The following GRM1 variants were observed in gnomAD, a reference collection of about 807,000 sequenced individuals.
The protein encoded by GRM1 is glutamate metabotropic receptor 1.
Under a neutral mutation model 90.9 loss-of-function variants are expected in GRM1, and 33 were observed. The ratio of observed to expected loss-of-function variants is 0.36; its 90% CI spans 0.28 to 0.49. GRM1 has a LOEUF of 0.49. Ranked by LOEUF, GRM1 falls within the 20% of genes least tolerant of loss-of-function variation. GRM1 has a pLI of 0.99. For missense variants in GRM1, 1,190 were observed against 1,534.3 expected (o/e 0.78, Z 3.75); for synonymous variants, 700 against 613.2 (o/e 1.14, Z -2.09).
chr6:146,069,686 A>G lies in GRM1; in HGVS notation c.700+39469A>G, dbSNP rs535880254. On this transcript the variant is annotated intron_variant, in intron 1 of 7. Coordinates refer to ENST00000282753, the MANE Select transcript of GRM1 (RefSeq NM_001278064.2). Reference sequence around the variant, plus strand: ...TTAAAATATGCCACAACATTTTCATATGATGAAAGATTCCTAACATTAGCT... The same window carrying G: ...TTAAAATATGCCACAACATTTTCATGTGATGAAAGATTCCTAACATTAGCT... Among the ~76,000 whole-genome samples, 17 of 152,288 alleles carry G rather than the reference A, an allele frequency of 1.1e-4. No individual in the cohort carries two copies. The East Asian group carries it at 2.1e-3, about 19-fold the overall frequency.
Position 146,434,670 on chromosome 6 carries a change from C to T in GRM1, c.3459C>T (p.Asp1153=). 6.2e-7 allele frequency: 1 copy of T among 1,607,160 alleles called. No homozygotes were observed. Among genetic ancestry groups the T allele is most frequent in the Non-Finnish European group, 8.5e-7 (1 of 1,180,002 alleles). The change falls in exon 8 of 8, where the codon GAC becomes GAT. Residue 1153 remains aspartate, a synonymous_variant. Coordinates refer to ENST00000282753, the MANE Select transcript of GRM1 (RefSeq NM_001278064.2). ...TGACGCCTCCGTCGCCTTTCCGCGA[C>T]TCGGTGGCCTCGGGCAGCTCGGTGC... is the stretch of plus-strand genomic sequence containing the variant. ...PALTPPSPFR[D]SVASGSSVPS...
chr6:146,185,789 C>A (rs1778710971), intron 2 of GRM1, among the ~76,000 whole-genome samples: 1 of 152,166 alleles, frequency 6.6e-6, no homozygotes, highest in Admixed American at 6.5e-5. Flanking sequence ...CTGTAATTTT[C>A]TTATCCACAT....
intron 5 of GRM1, among the ~76,000 whole-genome samples, chr6:146,366,685 C>T (rs1042927914): frequency 6.6e-6 from 1 of 152,116 alleles, no homozygotes; most frequent in African/African-American, 2.4e-5. Context: ...TACCTATTGG[C>T]CATTTGTATA....
chr6:146,414,860 T>A (rs1777715532), intron 7 of GRM1, among the ~76,000 whole-genome samples: 1 of 152,264 alleles, frequency 6.6e-6, no homozygotes, highest in East Asian at 1.9e-4. Flanking sequence ...TAAATTTTCC[T>A]TTTACAGTTA....
intron 1 of GRM1, among the ~76,000 whole-genome samples, chr6:146,045,706 G>C (rs1791299281): frequency 8.6e-6 from 1 of 115,690 alleles, no homozygotes; most frequent in African/African-American, 3.3e-5. Context: ...ATTTGTTGTA[G>C]ATTATTTTTC....
intron 1 of GRM1, among the ~76,000 whole-genome samples, chr6:146,121,477 A>G (rs1008227851): frequency 2.0e-5 from 3 of 151,946 alleles, no homozygotes; most frequent in African/African-American, 7.3e-5. Context: ...CCCTTCCGCT[A>G]GGTTTTGAAT....
chr6:146,177,796 C>G (rs1300575990), intron 2 of GRM1, among the ~76,000 whole-genome samples: 1 of 152,110 alleles, frequency 6.6e-6, no homozygotes, highest in Non-Finnish European at 1.5e-5. Context: ...ATCACAATCT[C>G]ATAGTCATAT....
At chr6:146,133,447 T>C (rs1182368957) in intron 1 of GRM1, among the ~76,000 whole-genome samples, 4 of 152,226 alleles carry the variant, frequency 2.6e-5, no homozygotes, top group African/African-American at 9.6e-5. Context: ...ATATGGCATA[T>C]AGATTAGGGG....
At chr6:146,148,524 T>G (rs1777198731) in intron 1 of GRM1, among the ~76,000 whole-genome samples, 1 of 152,178 alleles carries the variant, frequency 6.6e-6, no homozygotes, top group Admixed American at 6.5e-5. Context: ...GCATGCATTA[T>G]TTTTATAAAT....
At chr6:146,148,040 A>G (rs1306199554) in intron 1 of GRM1, among the ~76,000 whole-genome samples, 1 of 152,214 alleles carries the variant, frequency 6.6e-6, no homozygotes, top group Non-Finnish European at 1.5e-5. Context: ...CACATAGCCT[A>G]TGGCCAACTT....
At chr6:146,289,862 C>A (rs529086756) in intron 2 of GRM1, among the ~76,000 whole-genome samples, 1 of 152,132 alleles carries the variant, frequency 6.6e-6, no homozygotes, top group Non-Finnish European at 1.5e-5. Flanking sequence ...ACTGTACCAT[C>A]TAGGTGAGTG....
chr6:146,319,856 G>A (rs901457236), intron 3 of GRM1, among the ~76,000 whole-genome samples: 1 of 152,210 alleles, frequency 6.6e-6, no homozygotes, highest in South Asian at 2.1e-4. Flanking sequence ...AGCTTAAGGA[G>A]TTTTTGGGCT....
At chr6:146,316,748 G>A (rs1185858576) in intron 3 of GRM1, among the ~76,000 whole-genome samples, 1 of 151,878 alleles carries the variant, frequency 6.6e-6, no homozygotes, top group Non-Finnish European at 1.5e-5. Flanking sequence ...ATTGGGGACT[G>A]TCTTTTTGAG....
intron 2 of GRM1, among the ~76,000 whole-genome samples, chr6:146,213,157 G>T (rs1431448537): frequency 6.6e-6 from 1 of 152,086 alleles, no homozygotes; most frequent in East Asian, 1.9e-4. Context: ...GTTTAGGGCA[G>T]GAGGGAATGG....
chr6:146,245,558 T>G (rs1781028466), intron 2 of GRM1, among the ~76,000 whole-genome samples: 1 of 152,162 alleles, frequency 6.6e-6, no homozygotes, highest in Non-Finnish European at 1.5e-5. Flanking sequence ...GATCAGATTT[T>G]ATACAGGTTG....
intron 2 of GRM1, among the ~76,000 whole-genome samples, chr6:146,287,398 G>A (rs1301397525): frequency 6.6e-6 from 1 of 152,104 alleles, no homozygotes; most frequent in Non-Finnish European, 1.5e-5. Flanking sequence ...CCACATTTAG[G>A]AGGGTCTTAA....
chr6:146,248,759 A>G (rs746376431), intron 2 of GRM1, among the ~76,000 whole-genome samples: 2 of 152,202 alleles, frequency 1.3e-5, no homozygotes, highest in East Asian at 3.8e-4. Context: ...TCAGAACACA[A>G]GAAGATGTGA....
intron 5 of GRM1, chr6:146,365,547 A>T (rs1368470004): frequency 6.6e-6 from 1 of 152,218 alleles, no homozygotes; most frequent in East Asian, 1.9e-4. Flanking sequence ...CAGTGATGTA[A>T]GTGAGCCACA....
chr6:146,290,955 G>A (rs1782958660), intron 2 of GRM1, among the ~76,000 whole-genome samples: 2 of 152,080 alleles, frequency 1.3e-5, no homozygotes, highest in South Asian at 4.1e-4. Flanking sequence ...GCAACAGAGG[G>A]CAGACTGTGG....
Sources: allele counts gnomAD v4.1 joint callset (sites outside exome capture counted in the v4.1 genomes callset), GRCh38; gene constraint gnomAD v4.1.1; transcripts MANE v1.5; gene names NCBI Gene and HGNC (gene_info 2026-07-23, HGNC 2026-07-21).